Variants in DNAJC13 observed in about 807,000 individuals in gnomAD.
DNAJC13 encodes the protein DnaJ heat shock protein family (Hsp40) member C13.
DNAJC13 carries 75 observed loss-of-function variants against 290.5 expected under a neutral mutation model. The observed-to-expected ratio is 0.26, with a 90% CI of 0.21 to 0.31. DNAJC13 has a LOEUF of 0.31. Among genes scored for constraint, DNAJC13 ranks in the 10% least tolerant of loss-of-function variants. The pLI is 1.00. For synonymous variants in DNAJC13, 862 were observed against 892.0 expected (o/e 0.97, Z 0.60); for missense variants, 2,260 against 2,674.5 (o/e 0.85, Z 3.42).
intron 13 of DNAJC13, chr3:132,457,979 A>G (rs1933671733): frequency 6.6e-6 from 1 of 152,182 alleles, no homozygotes; most frequent in Admixed American, 6.5e-5. Context: ...GAACACCTGA[A>G]GGATTTTTTT....
At chr3:132,538,120 C>A in intron 55 of DNAJC13, 56 bp from the exon 56 acceptor site, 1 of 1,439,716 alleles carries the variant, frequency 6.9e-7, no homozygotes, top group Non-Finnish European at 9.7e-7. Context: ...TTATAAAGGT[C>A]AATGTTTTCA....
intron 22 of DNAJC13, among the ~76,000 whole-genome samples, chr3:132,476,207 G>C (rs1223883433): frequency 6.6e-6 from 1 of 152,074 alleles, no homozygotes; most frequent in African/African-American, 2.4e-5. Flanking sequence ...TTTAGCCCTA[G>C]ACTTCATACT....
At chr3:132,526,475 T>C (rs1365178162) in intron 53 of DNAJC13, among the ~76,000 whole-genome samples, 194 bp downstream of exon 53, 2 of 152,200 alleles carry the variant, frequency 1.3e-5, no homozygotes, top group East Asian at 3.8e-4. Context: ...TGTATATGTG[T>C]ATGTATATAT....
At chr3:132,519,724 C>A (rs1936027606) in intron 48 of DNAJC13, among the ~76,000 whole-genome samples, 1 of 151,690 alleles carries the variant, frequency 6.6e-6, no homozygotes, top group African/African-American at 2.4e-5. Context: ...ATAGTATTAG[C>A]TCTTAGGTTT....
intron 44 of DNAJC13, among the ~76,000 whole-genome samples, chr3:132,512,053 C>T (rs1935793039): frequency 6.6e-6 from 1 of 152,020 alleles, no homozygotes. Flanking sequence ...TTATTAAAGA[C>T]AGTGTTATAA....
intron 55 of DNAJC13, among the ~76,000 whole-genome samples, chr3:132,536,340 A>G (rs1225450589): frequency 6.6e-6 from 1 of 152,052 alleles, no homozygotes; most frequent in East Asian, 1.9e-4. Context: ...TGGATAGGGG[A>G]GTTGCTTGAG....
At chr3:132,510,070 C>T (rs1269866540) in intron 43 of DNAJC13, among the ~76,000 whole-genome samples, 1 of 151,986 alleles carries the variant, frequency 6.6e-6, no homozygotes, top group African/African-American at 2.4e-5. Context: ...GAAGTTGTTC[C>T]TTGCCCAGCT....
intron 26 of DNAJC13, 86 bp downstream of exon 26, chr3:132,480,556 TGTG>T: frequency 9.9e-7 from 1 of 1,009,106 alleles, no homozygotes. Flanking sequence ...TCTGAAAAGA[TGTG>T]GTCACACACT....
intron 55 of DNAJC13, 102 bp downstream of exon 55, chr3:132,531,199 A>G: frequency 2.1e-6 from 2 of 975,468 alleles, no homozygotes; most frequent in Non-Finnish European, 1.6e-6. Flanking sequence ...AGTGTTTCTT[A>G]GGCTACCAGC....
In DNAJC13 at chr3:132,516,736, A is replaced by C; in HGVS notation, c.5593A>C (p.Asn1865His). ...ALIYLLDMFC[N>H]STHPQVRAQT... The stretch of plus-strand genomic sequence containing the variant: ...GATCTATTTACTGGATATGTTCTGC[A>C]ATTCAACACATCCACAGGTTCGAGC... Residue 1865 changes from asparagine (N) to histidine (H), a missense_variant, in exon 48 of 56, where the codon AAT (asparagine) becomes CAT (histidine). Physicochemically the swap from Asn to His is moderately conservative, Grantham distance 68. Around this residue, in one of 3 missense-constraint regions of DNAJC13, gnomAD observed 1,494 missense variants for 1,693.7 expected, o/e 0.88. Transcript: ENST00000260818. 6.2e-7 allele frequency: 1 copy of C among 1,613,552 alleles called. No individual in the cohort carries two copies. The highest frequency in any genetic ancestry group is 8.5e-7 in the Non-Finnish European group (1 of 1,179,666).
chr3:132,519,318 G>T (rs1936014310), intron 48 of DNAJC13, among the ~76,000 whole-genome samples: 1 of 152,088 alleles, frequency 6.6e-6, no homozygotes, highest in Non-Finnish European at 1.5e-5. Flanking sequence ...ATCCTAGTAG[G>T]TATGATGTGT....
At chr3:132,505,694 C>T (rs919291634) in intron 42 of DNAJC13, among the ~76,000 whole-genome samples, 1 of 152,138 alleles carries the variant, frequency 6.6e-6, no homozygotes, top group African/African-American at 2.4e-5. Context: ...ACTTCAGCCT[C>T]TTTTCGCTAG....
At position 132,489,120 on chromosome 3, in the gene DNAJC13, A is replaced by C. The variant is rs112706391; in HGVS notation, c.3468+99A>C. The C allele has an allele frequency of 2.7e-3, 2,396 of 882,860 alleles. 25 individuals carry two copies. The highest frequency in any genetic ancestry group is 0.019 in the East Asian group (767 of 40,068). The allele number at this position is 882,860 out of a possible 1,614,324, so 54.7% of individuals were successfully genotyped here. On this transcript the variant is annotated intron_variant, in intron 31 of 55. Transcript: ENST00000260818. ...GTATTATGTTTACTAGATTATAAGTACTTGAGGGTAGGTATTGTTTTATTC... is the reference window on the plus strand; with the variant it reads ...GTATTATGTTTACTAGATTATAAGTCCTTGAGGGTAGGTATTGTTTTATTC...
At chr3:132,472,607 T>G (rs1934322884) in intron 20 of DNAJC13, 2 of 985,026 alleles carry the variant, frequency 2.0e-6, no homozygotes, top group Non-Finnish European at 2.4e-6. Context: ...GTGAAATGCA[T>G]TAAGCTGCCT....
chr3:132,475,468 T>A (rs1934439868), intron 22 of DNAJC13, among the ~76,000 whole-genome samples: 1 of 152,144 alleles, frequency 6.6e-6, no homozygotes, highest in Non-Finnish European at 1.5e-5. Context: ...ATTCTGAATG[T>A]GACCATATTT....
intron 36 of DNAJC13, among the ~76,000 whole-genome samples, chr3:132,497,243 G>A (rs1239217809): frequency 6.6e-6 from 1 of 152,206 alleles, no homozygotes; most frequent in Non-Finnish European, 1.5e-5. Context: ...CAGTGTTTGT[G>A]GGGCCATTTG....
chr3:132,465,032 T>C (rs866785690), intron 17 of DNAJC13, among the ~76,000 whole-genome samples: 26 of 152,168 alleles, frequency 1.7e-4, no homozygotes, highest in South Asian at 1.7e-3. Context: ...AACTAAAGCC[T>C]TTTTAGGAGT....
At chr3:132,516,375 T>C (rs1559908849) in intron 46 of DNAJC13, 47 bp from the exon 47 acceptor site, 3 of 1,581,496 alleles carry the variant, frequency 1.9e-6, no homozygotes, top group East Asian at 2.2e-5. Context: ...CAAGTAAATA[T>C]AAGCTAACCT....
intron 15 of DNAJC13, among the ~76,000 whole-genome samples, chr3:132,462,161 T>G (rs1933819072): frequency 6.6e-6 from 1 of 152,184 alleles, no homozygotes; most frequent in African/African-American, 2.4e-5. Flanking sequence ...TGTATGTATA[T>G]ATGATGTTTA....
Sources: gnomAD v4.1 joint callset for allele counts (sites outside exome capture counted in the v4.1 genomes callset) on GRCh38, gnomAD v4.1.1 for gene constraint, gnomAD v4.1.1 regional missense constraint, MANE v1.5 for transcripts, NCBI Gene and HGNC (gene_info 2026-07-23, HGNC 2026-07-21) for gene names.